Variants in LBX1 observed in about 807,000 individuals in gnomAD.
LBX1 encodes ladybird homeobox 1, also known as transcription factor LBX1.
Under a neutral mutation model 19.9 loss-of-function variants are expected in LBX1, and 6 were observed. The ratio of observed to expected loss-of-function variants is 0.30; its 90% CI spans 0.17 to 0.60. The LOEUF (loss-of-function observed/expected upper bound fraction) is 0.60, where lower values mean the gene tolerates loss of function less well. Ranked by LOEUF, LBX1 falls within the 20% of genes least tolerant of loss-of-function variation. LBX1 has a pLI of 0.87. For synonymous variants in LBX1, 190 were observed against 189.3 expected (o/e 1.00, Z -0.03); for missense variants, 344 against 393.7 (o/e 0.87, Z 1.07).
rs1359322340 is a variant in LBX1, at chr10:101,227,741, C to A, written c.375G>T (p.Arg125=). Residue 125 remains arginine (R), a synonymous_variant, in exon 2 of 2, where the codon CGG becomes CGT. Transcript: ENST00000370193. Reference sequence around the variant, plus strand: ...TGGTGAAGGCCGTGCGCGACTTTCGCCGCTTCTTAGGGGTCTGCCGCTGCC... The same window carrying A: ...TGGTGAAGGCCGTGCGCGACTTTCGACGCTTCTTAGGGGTCTGCCGCTGCC... ...IFGQRQTPKK[R]RKSRTAFTNH... The A allele has an allele frequency of 6.2e-7, 1 of 1,609,324 alleles. No homozygotes were observed. The highest frequency in any genetic ancestry group is 8.5e-7 in the Non-Finnish European group (1 of 1,177,324).
In LBX1 at chr10:101,228,851, G is replaced by C. The variant is rs1173087784; in HGVS notation, c.-36C>G. On this transcript the variant is annotated 5_prime_UTR_variant, in exon 1 of 2. Coordinates refer to ENST00000370193, the MANE Select transcript of LBX1 (RefSeq NM_006562.5). ...TTCGGGGTCCCGGCCGGGGCGGCTC[G>C]GGCCGCGGGGACCCAGCCCGCGGGC... 2 of 1,373,952 alleles carry C rather than the reference G, an allele frequency of 1.5e-6. No homozygotes were observed. Among genetic ancestry groups the C allele is most frequent in the East Asian group, 2.9e-5 (1 of 34,572 alleles). The allele number at this position is 1,373,952 out of a possible 1,614,324, so 85.1% of individuals were successfully genotyped here. A position where few individuals can be genotyped will look rare whatever the true frequency, so the allele number is the denominator to read the frequency against.
chr10:101,227,249 G>T lies in LBX1; in HGVS notation c.*21C>A. ...TTTCGAGCGCTAGGAGCCCAGGGCG[G>T]CGGAAGACCCGGGGCGCCGCTCAAT... is the stretch of plus-strand genomic sequence containing the variant. On this transcript the variant is annotated 3_prime_UTR_variant, in exon 2 of 2. Coordinates refer to ENST00000370193, the MANE Select transcript of LBX1 (RefSeq NM_006562.5). 1 of 1,594,582 alleles carries T rather than the reference G, an allele frequency of 6.3e-7. No homozygotes were observed. The highest frequency in any genetic ancestry group is 8.5e-7 in the Non-Finnish European group (1 of 1,173,334).
chr10:101,228,591 G>A lies in LBX1; in HGVS notation c.225C>T (p.Gly75=). The change falls in exon 1 of 2, where the codon GGC becomes GGT. Residue 75 remains glycine (G), a synonymous_variant. Transcript: ENST00000370193. ...GCGAGGTCTGCGAGAGCAGCGCGCG[G>A]CCCGCCAGGGGCAAGCCGCCCTGCG... ...KHAQGGLPLA[G]RALLSQTSPL... 6.4e-7 allele frequency: 1 copy of A among 1,556,856 alleles called. No individual in the cohort carries two copies. Among genetic ancestry groups the A allele is most frequent in the South Asian group, 1.2e-5 (1 of 84,794 alleles).
Position 101,228,882 on chromosome 10 carries a change from G to A in LBX1, c.-67C>T. 8.5e-7 allele frequency: 1 copy of A among 1,181,070 alleles called. No homozygotes were observed. The highest frequency in any genetic ancestry group is 1.1e-6 in the Non-Finnish European group (1 of 924,786). The allele number at this position is 1,181,070 out of a possible 1,614,324, so 73.2% of individuals were successfully genotyped here. Reference sequence around the variant, plus strand: ...CGGGGACCCAGCCCGCGGGCAGCTCGGGCGCCGGACGGCGCGGGCAGGCAG... The same window carrying A: ...CGGGGACCCAGCCCGCGGGCAGCTCAGGCGCCGGACGGCGCGGGCAGGCAG... On this transcript the variant is annotated 5_prime_UTR_variant, in exon 1 of 2. Transcript: ENST00000370193.
rs749666785 is a variant in LBX1 at position 101,227,264 on chromosome 10, C to G, written c.*6G>C. 6.3e-7 allele frequency: 1 copy of G among 1,599,466 alleles called. No individual in the cohort carries two copies. Among genetic ancestry groups the G allele is most frequent in the Non-Finnish European group, 8.5e-7 (1 of 1,175,384 alleles). On this transcript the variant is annotated 3_prime_UTR_variant, in exon 2 of 2. Transcript: ENST00000370193. ...GCCCAGGGCGGCGGAAGACCCGGGG[C>G]GCCGCTCAATCGTCCACGTCGATCT...
At position 101,229,298 on chromosome 10, in the gene LBX1, T is replaced by C. The variant is rs1417731814; in HGVS notation, c.-483A>G. On this transcript the variant is annotated 5_prime_UTR_variant, in exon 1 of 2. Transcript: ENST00000370193. This position sits in a 1 kb window ranked among gnomAD's most constrained non-coding sequence, Gnocchi z 6.4. Reference sequence around the variant, plus strand: ...AATTATCTGCAGCGGCACTTCTTTCTCTTTCTCTCTCCTTTCTCCCTTTTT... The same window carrying C: ...AATTATCTGCAGCGGCACTTCTTTCCCTTTCTCTCTCCTTTCTCCCTTTTT... The C allele has an allele frequency of 6.5e-6, 1 of 154,274 alleles. No individual in the cohort carries two copies. The highest frequency in any genetic ancestry group is 1.4e-5 in the Non-Finnish European group (1 of 69,396). The allele number at this position is 154,274 out of a possible 1,614,324, so 9.6% of individuals were successfully genotyped here. A position where few individuals can be genotyped will look rare whatever the true frequency, so the allele number is the denominator to read the frequency against.
rs925459304 is a variant in LBX1, at chr10:101,228,995, C to T, written c.-180G>A. 1 of 208,040 alleles carries T rather than the reference C, an allele frequency of 4.8e-6. No homozygotes were observed. Among genetic ancestry groups the T allele is most frequent in the Non-Finnish European group, 9.1e-6 (1 of 109,336 alleles). 12.9% of individuals were successfully genotyped at this position (208,040 alleles called of 1,614,324 possible). On this transcript the variant is annotated 5_prime_UTR_variant, in exon 1 of 2. Coordinates refer to ENST00000370193, the MANE Select transcript of LBX1 (RefSeq NM_006562.5). The stretch of plus-strand genomic sequence containing the variant: ...GGCGGCTGAGGAGGGGAGAACAGCG[C>T]GGGGCCCCGGGAAGAGGGCGCTGAC...
Position 101,227,044 on chromosome 10 carries a change from T to G in LBX1, c.*226A>C. Reference sequence around the variant, plus strand: ...CATACAGAATTGCACGGCGAGGGCTTCCGGGGCGGCGGAGGCCGCTGGTGG... The same window carrying G: ...CATACAGAATTGCACGGCGAGGGCTGCCGGGGCGGCGGAGGCCGCTGGTGG... On this transcript the variant is annotated 3_prime_UTR_variant, in exon 2 of 2. Coordinates refer to ENST00000370193, the MANE Select transcript of LBX1 (RefSeq NM_006562.5). The G allele has an allele frequency of 2.1e-6, 1 of 479,422 alleles. No individual in the cohort carries two copies. Among genetic ancestry groups the G allele is most frequent in the East Asian group, 3.6e-5 (1 of 27,726 alleles). The allele number at this position is 479,422 out of a possible 1,614,324, so 29.7% of individuals were successfully genotyped here.
Position 101,227,180 on chromosome 10 carries a change from A to T in LBX1, c.*90T>A. 1 of 1,275,062 alleles carries T rather than the reference A, an allele frequency of 7.8e-7. No individual in the cohort carries two copies. The highest frequency in any genetic ancestry group is 2.2e-5 in the Admixed American group (1 of 44,480). 79.0% of individuals were successfully genotyped at this position (1,275,062 alleles called of 1,614,324 possible). A position where few individuals can be genotyped will look rare whatever the true frequency, so the allele number is the denominator to read the frequency against. ...GGGAGGAGGCGGGAGTTGGCAGAGG[A>T]GGTCCCAGCTCCCCTCGGCGGTCCG... is the stretch of plus-strand genomic sequence containing the variant. On this transcript the variant is annotated 3_prime_UTR_variant, in exon 2 of 2. Transcript: ENST00000370193.
In LBX1 at chr10:101,227,404, G is replaced by C; in HGVS notation, c.712C>G (p.Pro238Ala). Residue 238 changes from proline (P) to alanine (A), a missense_variant, in exon 2 of 2, where the codon CCC becomes GCC. Coordinates refer to ENST00000370193, the MANE Select transcript of LBX1 (RefSeq NM_006562.5). ...AKSRPGSPVLPPGAPKAPGAG... is the reference protein window; with the variant it reads ...AKSRPGSPVLAPGAPKAPGAG... ...CCCGGGGCCTTCGGGGCGCCTGGGG[G>C]GAGGACCGGAGAGCCGGGCCTCGAC... The C allele has an allele frequency of 6.3e-7, 1 of 1,599,564 alleles. No homozygotes were observed.
Position 101,228,961 on chromosome 10 carries a change from G to A in LBX1, c.-146C>T. 1 of 302,978 alleles carries A rather than the reference G, an allele frequency of 3.3e-6. No homozygotes were observed. The highest frequency in any genetic ancestry group is 5.3e-6 in the Non-Finnish European group (1 of 189,624). 18.8% of individuals were successfully genotyped at this position (302,978 alleles called of 1,614,324 possible). ...CAGGGCGCGGGCCGGGCGCGGGGCC[G>A]ATTAGCGCGGCGGCTGAGGAGGGGA... On this transcript the variant is annotated 5_prime_UTR_variant, in exon 1 of 2. Coordinates refer to ENST00000370193, the MANE Select transcript of LBX1 (RefSeq NM_006562.5).
Position 101,227,639 on chromosome 10 carries a change from C to A in LBX1, c.477G>T (p.Ala159=), listed in dbSNP as rs1400572543. The change falls in exon 2 of 2, where the codon GCG becomes GCT. Residue 159 remains alanine (A), a synonymous_variant. Transcript: ENST00000370193. ...GCGCGTTGGTGAGGCCCAGCTGCTG[C>A]GCGATTTGGTCGCGATCGGCGGGGG... ...YLSPADRDQI[A]QQLGLTNAQV... is the part of the protein sequence containing the mutation. The A allele has an allele frequency of 1.9e-6, 3 of 1,614,082 alleles. No individual in the cohort carries two copies. The Admixed American group carries it at 5.0e-5, about 27-fold the overall frequency.
Position 101,227,381 on chromosome 10 carries a change from C to G in LBX1, c.735G>C (p.Pro245=). 6.2e-7 allele frequency: 1 copy of G among 1,604,320 alleles called. No homozygotes were observed. The highest frequency in any genetic ancestry group is 8.5e-7 in the Non-Finnish European group (1 of 1,177,338). The change falls in exon 2 of 2, where the codon CCG becomes CCC. Residue 245 remains proline, a synonymous_variant. Coordinates refer to ENST00000370193, the MANE Select transcript of LBX1 (RefSeq NM_006562.5). ...PVLPPGAPKA[P]GAGALQLSPA... ...GCGAGAGCTGCAGGGCGCCAGCGCC[C>G]GGGGCCTTCGGGGCGCCTGGGGGGA... is the stretch of plus-strand genomic sequence containing the variant.
Position 101,227,059 on chromosome 10 carries a change from GC to G in LBX1, c.*210del. Reference sequence around the variant, plus strand: ...GGCGAGGGCTTCCGGGGCGGCGGAGGCCGCTGGTGGCGGCCGGCCCGGCCGG... The same window carrying G: ...GGCGAGGGCTTCCGGGGCGGCGGAGGCGCTGGTGGCGGCCGGCCCGGCCGG... On this transcript the variant is annotated 3_prime_UTR_variant, in exon 2 of 2. Transcript: ENST00000370193. The G allele has an allele frequency of 4.1e-6, 2 of 491,002 alleles. No homozygotes were observed. Among genetic ancestry groups the G allele is most frequent in the Middle Eastern group, 5.3e-4 (1 of 1,880 alleles). 30.4% of individuals were successfully genotyped at this position (491,002 alleles called of 1,614,324 possible). A position where few individuals can be genotyped will look rare whatever the true frequency, so the allele number is the denominator to read the frequency against.
Position 101,227,228 on chromosome 10 carries a change from G to GA in LBX1, c.*41dup, listed in dbSNP as rs753920962. The GA allele has an allele frequency of 2.9e-4, 454 of 1,574,312 alleles. 1 individual carries two copies. Among genetic ancestry groups the GA allele is most frequent in the South Asian group, 4.1e-4 (36 of 87,648 alleles). On this transcript the variant is annotated 3_prime_UTR_variant, in exon 2 of 2. Transcript: ENST00000370193. ...CCGGTCCGGGAGGCGTTGGGCTTTC[G>GA]AGCGCTAGGAGCCCAGGGCGGCGGA...
chr10:101,227,027 A>C lies in LBX1; in HGVS notation c.*243T>G. 2.2e-6 allele frequency: 1 copy of C among 452,362 alleles called. No homozygotes were observed. The allele number at this position is 452,362 out of a possible 1,614,324, so 28.0% of individuals were successfully genotyped here. On this transcript the variant is annotated 3_prime_UTR_variant, in exon 2 of 2. Transcript: ENST00000370193. ...AATATTTATATAGAAGCCATACAGA[A>C]TTGCACGGCGAGGGCTTCCGGGGCG...
chr10:101,227,393 G>A lies in LBX1; in HGVS notation c.723C>T (p.Ala241=). 1 of 1,603,192 alleles carries A rather than the reference G, an allele frequency of 6.2e-7. No individual in the cohort carries two copies. Residue 241 remains alanine, a synonymous_variant, in exon 2 of 2, where the codon GCC becomes GCT. Coordinates refer to ENST00000370193, the MANE Select transcript of LBX1 (RefSeq NM_006562.5). ...RPGSPVLPPG[A]PKAPGAGALQ... ...GGGCGCCAGCGCCCGGGGCCTTCGGGGCGCCTGGGGGGAGGACCGGAGAGC... is the reference window on the plus strand; with the variant it reads ...GGGCGCCAGCGCCCGGGGCCTTCGGAGCGCCTGGGGGGAGGACCGGAGAGC...
chr10:101,228,857 C>A lies in LBX1; in HGVS notation c.-42G>T. 7.4e-7 allele frequency: 1 copy of A among 1,348,590 alleles called. No individual in the cohort carries two copies. Among genetic ancestry groups the A allele is most frequent in the Non-Finnish European group, 9.6e-7 (1 of 1,046,848 alleles). 83.5% of individuals were successfully genotyped at this position (1,348,590 alleles called of 1,614,324 possible). A position where few individuals can be genotyped will look rare whatever the true frequency, so the allele number is the denominator to read the frequency against. On this transcript the variant is annotated 5_prime_UTR_variant, in exon 1 of 2. Coordinates refer to ENST00000370193, the MANE Select transcript of LBX1 (RefSeq NM_006562.5). ...GTCCCGGCCGGGGCGGCTCGGGCCG[C>A]GGGGACCCAGCCCGCGGGCAGCTCG... is the stretch of plus-strand genomic sequence containing the variant.
At chr10:101,227,865 T>A in intron 1 of LBX1, 75 bp from the exon 2 acceptor site, 2 of 1,415,604 alleles carry the variant, frequency 1.4e-6, no homozygotes, top group Non-Finnish European at 1.9e-6. Context: ...CGTAACTCCG[T>A]AACCCACCCA....
Sources: gnomAD v4.1 joint callset for allele counts on GRCh38, gnomAD v4.1.1 for gene constraint, Gnocchi (gnomAD v3.1) non-coding constraint, MANE v1.5 for transcripts, NCBI Gene and HGNC (gene_info 2026-07-23, HGNC 2026-07-21) for gene names.